DNAJC3: variants seen among roughly 807,000 people sequenced by gnomAD.
DNAJC3 encodes the protein dnaJ homolog subfamily C member 3.
DNAJC3 carries 38 observed loss-of-function variants against 68.6 expected under a neutral mutation model. That is an observed-to-expected ratio of 0.55 (90% confidence interval 0.43 to 0.73). The LOEUF is 0.73. DNAJC3 is among the 30% of genes least tolerant of loss of function. The probability of loss-of-function intolerance (pLI) is 0.00; values close to 1 mark genes in which losing one functional copy is unlikely to be tolerated. For synonymous variants in DNAJC3, 203 were observed against 204.0 expected (o/e 1.00, Z 0.04); for missense variants, 526 against 591.9 (o/e 0.89, Z 1.16).
chr13:95,686,740 C>T (rs191203269), intron 1 of DNAJC3, among the ~76,000 whole-genome samples: 171 of 152,238 alleles, frequency 1.1e-3, no homozygotes, highest in Non-Finnish European at 7.5e-4. Context: ...GATCTGTGTG[C>T]GTATTTTTGT....
rs1335164693 is a variant in DNAJC3, at chr13:95,793,507, T to TG, written c.*2478dup. 2.7e-5 allele frequency: 4 copies of TG among 149,486 alleles called. No homozygotes were observed. The highest frequency in any genetic ancestry group is 6.7e-5 in the Admixed American group (1 of 14,878). 9.3% of individuals were successfully genotyped at this position (149,486 alleles called of 1,614,324 possible). A position where few individuals can be genotyped will look rare whatever the true frequency, so the allele number is the denominator to read the frequency against. On this transcript the variant is annotated 3_prime_UTR_variant, in exon 12 of 12. Transcript: ENST00000602402. ...CTTTTTTTTTTTTTTTTTTTTTTTT[T>TG]GAGACAGAATCTTGCTCTGTTGCCC...
chr13:95,678,682 A>AT (rs922630044), intron 1 of DNAJC3, among the ~76,000 whole-genome samples: 1 of 151,936 alleles, frequency 6.6e-6, no homozygotes, highest in African/African-American at 2.4e-5. Context: ...TTAATAATTT[A>AT]TTTTGGACAC....
chr13:95,679,749 C>T (rs771296289), intron 1 of DNAJC3, among the ~76,000 whole-genome samples: 1 of 152,174 alleles, frequency 6.6e-6, no homozygotes, highest in Non-Finnish European at 1.5e-5. Flanking sequence ...ATCTGCTTCA[C>T]TATTGTAACC....
rs540059026 is a variant in DNAJC3, at chr13:95,679,116, C to T, written c.82+1779C>T. ...TACTAAAGTTCATTTTGTGTGCACG[C>T]TGGAGACAGAAGTTAAGTAGTTGAC... On this transcript the variant is annotated intron_variant, in intron 1 of 11. Transcript: ENST00000602402. Among the ~76,000 whole-genome samples, 6 of 148,554 alleles carry T rather than the reference C, an allele frequency of 4.0e-5. No individual in the cohort carries two copies. The South Asian group carries it at 1.2e-3, about 31-fold the overall frequency.
chr13:95,734,395 A>G (rs1009707328), intron 4 of DNAJC3, among the ~76,000 whole-genome samples: 3 of 152,186 alleles, frequency 2.0e-5, no homozygotes, highest in Non-Finnish European at 4.4e-5. Context: ...CCGATAGTCC[A>G]ATGGGGTTTC....
intron 1 of DNAJC3, among the ~76,000 whole-genome samples, chr13:95,696,298 C>G (rs2139612115): frequency 6.6e-6 from 1 of 152,310 alleles, no homozygotes; most frequent in East Asian, 1.9e-4. Context: ...ATCATCATCC[C>G]TCTCGGGCGT....
At chr13:95,720,910 A>G (rs953921396) in intron 2 of DNAJC3, among the ~76,000 whole-genome samples, 1 of 151,896 alleles carries the variant, frequency 6.6e-6, no homozygotes, top group Non-Finnish European at 1.5e-5. Flanking sequence ...TTGTGGTAAA[A>G]TGTATGAAAA....
In DNAJC3 at chr13:95,794,798, C is replaced by G. The variant is rs757436495; in HGVS notation, c.*3768C>G. On this transcript the variant is annotated 3_prime_UTR_variant, in exon 12 of 12. Transcript: ENST00000602402. ...ATTGGAGATGTTTGTGAAAATATTA[C>G]TCTTGCTGTGAGGTTTTAGTTTGTT... 2 of 152,192 alleles carry G rather than the reference C, an allele frequency of 1.3e-5. No homozygotes were observed. The highest frequency in any genetic ancestry group is 2.9e-5 in the Non-Finnish European group (2 of 68,044). 9.4% of individuals were successfully genotyped at this position (152,192 alleles called of 1,614,324 possible).
chr13:95,787,387 G>T (rs560356546), intron 11 of DNAJC3, among the ~76,000 whole-genome samples: 31 of 152,262 alleles, frequency 2.0e-4, no homozygotes, highest in African/African-American at 7.5e-4. Context: ...GCCTGAATTT[G>T]AATCTTTTTT....
intron 4 of DNAJC3, among the ~76,000 whole-genome samples, chr13:95,753,772 C>T (rs771288670): frequency 6.6e-6 from 1 of 152,096 alleles, no homozygotes; most frequent in Non-Finnish European, 1.5e-5. Flanking sequence ...GGAGTACTTG[C>T]TATGTGTTAC....
chr13:95,741,180 C>T (rs1380730350), intron 4 of DNAJC3, among the ~76,000 whole-genome samples: 2 of 152,114 alleles, frequency 1.3e-5, no homozygotes, highest in African/African-American at 2.4e-5. Flanking sequence ...AATAATGTAA[C>T]TGTCATGTCT....
intron 9 of DNAJC3, among the ~76,000 whole-genome samples, chr13:95,773,374 C>T (rs1349688294): frequency 1.3e-5 from 2 of 151,546 alleles, no homozygotes; most frequent in African/African-American, 4.8e-5. Context: ...TTTTGCCATG[C>T]TGCCCAGGCT....
intron 4 of DNAJC3, chr13:95,745,028 T>C (rs932809290): frequency 2.6e-5 from 4 of 152,158 alleles, no homozygotes; most frequent in African/African-American, 9.7e-5. Flanking sequence ...GAGAAAAACA[T>C]TTTGCCCAGA....
At chr13:95,719,921 C>T (rs1008369317) in intron 2 of DNAJC3, among the ~76,000 whole-genome samples, 1 of 151,994 alleles carries the variant, frequency 6.6e-6, no homozygotes, top group African/African-American at 2.4e-5. Context: ...TACCGTATAC[C>T]ATGTAAATGC....
At chr13:95,696,768 C>T (rs1394469015) in intron 1 of DNAJC3, among the ~76,000 whole-genome samples, 13 of 150,730 alleles carry the variant, frequency 8.6e-5, no homozygotes, top group Non-Finnish European at 1.6e-4. Flanking sequence ...TTTTTTGAGA[C>T]GGAGTCTCGC....
At chr13:95,714,425 A>G (rs998402662) in intron 2 of DNAJC3, among the ~76,000 whole-genome samples, 3 of 152,016 alleles carry the variant, frequency 2.0e-5, no homozygotes, top group Non-Finnish European at 4.4e-5. Context: ...AAAAAAAAAA[A>G]AAAAGGTGCA....
chr13:95,774,878 TATAGAC>T (rs1883254873), intron 9 of DNAJC3, among the ~76,000 whole-genome samples: 1 of 152,220 alleles, frequency 6.6e-6, no homozygotes, highest in South Asian at 2.1e-4. Context: ...GTATGTCTCT[TATAGAC>T]ATCATGTAGT....
intron 1 of DNAJC3, among the ~76,000 whole-genome samples, chr13:95,689,153 G>T (rs868521313): frequency 2.7e-4 from 41 of 150,388 alleles, no homozygotes; most frequent in African/African-American, 1.0e-3. Context: ...TTTCGGGGGG[G>T]AATACTTTCA....
chr13:95,743,458 G>A (rs762236599), intron 4 of DNAJC3, among the ~76,000 whole-genome samples: 13 of 152,196 alleles, frequency 8.5e-5, no homozygotes, highest in Non-Finnish European at 1.6e-4. Flanking sequence ...AGACACCACT[G>A]TTATTACCTT....
Sources: allele counts gnomAD v4.1 joint callset (sites outside exome capture counted in the v4.1 genomes callset), GRCh38; gene constraint gnomAD v4.1.1; transcripts MANE v1.5; gene names NCBI Gene and HGNC (gene_info 2026-07-23, HGNC 2026-07-21).